Variants in ATRNL1 observed in about 807,000 individuals in gnomAD.
The protein encoded by ATRNL1 is attractin-like protein 1.
Under a neutral mutation model 182.7 loss-of-function variants are expected in ATRNL1, and 95 were observed. That is an observed-to-expected ratio of 0.52 (90% CI 0.44 to 0.62). The LOEUF (loss-of-function observed/expected upper bound fraction) is 0.62. Among genes scored for constraint, ATRNL1 ranks in the 20% least tolerant of loss-of-function variants. The pLI is 0.00. For missense variants in ATRNL1, 1,471 were observed against 1,679.5 expected (o/e 0.88, Z 2.17); for synonymous variants, 576 against 568.3 (o/e 1.01, Z -0.19).
chr10:115,644,212 A>G (rs1859453774), intron 26 of ATRNL1, among the ~76,000 whole-genome samples: 2 of 152,160 alleles, frequency 1.3e-5, no homozygotes. Flanking sequence ...AAATTTCAAA[A>G]ACTAAGATCT....
At chr10:115,839,571 A>T (rs1950756059) in intron 27 of ATRNL1, among the ~76,000 whole-genome samples, 1 of 151,968 alleles carries the variant, frequency 6.6e-6, no homozygotes, top group African/African-American at 2.4e-5. Flanking sequence ...TCTGCCAGAA[A>T]TCCTCCTTCA....
At chr10:115,495,222 TTAG>T (rs1849485796) in intron 24 of ATRNL1, among the ~76,000 whole-genome samples, 1 of 152,170 alleles carries the variant, frequency 6.6e-6, no homozygotes, top group South Asian at 2.1e-4. Context: ...TCTTTTTTCT[TTAG>T]TAGTATAGCT....
chr10:115,888,248 A>G (rs1951998617), intron 28 of ATRNL1, among the ~76,000 whole-genome samples: 1 of 152,120 alleles, frequency 6.6e-6, no homozygotes, highest in African/African-American at 2.4e-5. Context: ...TGACCTCCCT[A>G]ATTAGATTCT....
intron 27 of ATRNL1, among the ~76,000 whole-genome samples, chr10:115,804,012 T>G (rs1240690284): frequency 6.6e-6 from 1 of 152,214 alleles, no homozygotes; most frequent in African/African-American, 2.4e-5. Context: ...TAGTTTTTAC[T>G]ATATTCCAGG....
intron 24 of ATRNL1, among the ~76,000 whole-genome samples, chr10:115,497,489 G>A (rs1378685785): frequency 2.6e-5 from 4 of 152,050 alleles, no homozygotes; most frequent in Admixed American, 1.3e-4. Context: ...ACTCTTTTCT[G>A]TTCTCCATGG....
chr10:115,670,256 A>T (rs1439387059), intron 26 of ATRNL1, among the ~76,000 whole-genome samples: 1 of 152,142 alleles, frequency 6.6e-6, no homozygotes, highest in Non-Finnish European at 1.5e-5. Context: ...TAGTGCTTAA[A>T]AAGTGGCTGT....
chr10:115,802,252 G>A (rs1419726353), intron 27 of ATRNL1, among the ~76,000 whole-genome samples: 1 of 151,972 alleles, frequency 6.6e-6, no homozygotes, highest in Non-Finnish European at 1.5e-5. Context: ...TGATATTCTG[G>A]GAAAGCTACC....
At chr10:115,171,330 G>A in intron 8 of ATRNL1, 38 bp downstream of exon 8, 2 of 1,486,632 alleles carry the variant, frequency 1.3e-6, no homozygotes, top group South Asian at 1.4e-5. Flanking sequence ...TTATTGATTG[G>A]GAATGTTTTT....
intron 18 of ATRNL1, among the ~76,000 whole-genome samples, chr10:115,322,199 A>G (rs1432228435): frequency 2.0e-5 from 3 of 151,956 alleles, no homozygotes; most frequent in Non-Finnish European, 4.4e-5. Flanking sequence ...TATTTTTGCT[A>G]CTACATCTAT....
intron 28 of ATRNL1, among the ~76,000 whole-genome samples, chr10:115,891,233 G>A (rs935395887): frequency 2.0e-5 from 3 of 152,162 alleles, no homozygotes; most frequent in African/African-American, 4.8e-5. Flanking sequence ...AACATTGGGA[G>A]TGAGGACACT....
At chr10:115,349,833 C>A (rs1253140912) in intron 19 of ATRNL1, among the ~76,000 whole-genome samples, 1 of 151,910 alleles carries the variant, frequency 6.6e-6, no homozygotes, top group Non-Finnish European at 1.5e-5. Flanking sequence ...TGTTTGAGCT[C>A]CTTATGTGTT....
chr10:115,725,548 A>T (rs572163849), intron 26 of ATRNL1, among the ~76,000 whole-genome samples: 1 of 152,172 alleles, frequency 6.6e-6, no homozygotes, highest in Non-Finnish European at 1.5e-5. Flanking sequence ...ACAAATACAA[A>T]TGGAGATAAT....
At chr10:115,228,326 CAA>C in intron 9 of ATRNL1, among the ~76,000 whole-genome samples, 1 of 152,252 alleles carries the variant, frequency 6.6e-6, no homozygotes, top group East Asian at 1.9e-4. Flanking sequence ...TCCTGTTGCT[CAA>C]AAATGATTCC....
chr10:115,474,041 T>C (rs1848424322), intron 24 of ATRNL1, among the ~76,000 whole-genome samples: 1 of 151,398 alleles, frequency 6.6e-6, no homozygotes, highest in Non-Finnish European at 1.5e-5. Flanking sequence ...ATTGTTTTTC[T>C]ATTCTGTATT....
chr10:115,565,518 A>G (rs1854023243), intron 26 of ATRNL1, among the ~76,000 whole-genome samples: 1 of 152,004 alleles, frequency 6.6e-6, no homozygotes, highest in Non-Finnish European at 1.5e-5. Context: ...GAGTAATGGT[A>G]CAGACTTACG....
At chr10:115,663,578 A>G (rs1218040553) in intron 26 of ATRNL1, among the ~76,000 whole-genome samples, 1 of 152,020 alleles carries the variant, frequency 6.6e-6, no homozygotes, top group East Asian at 1.9e-4. Flanking sequence ...TCCAAATTGT[A>G]TGATATACAT....
At position 115,165,216 on chromosome 10, in the gene ATRNL1, T is replaced by TA. The variant is rs1483433370; in HGVS notation, c.1005-333dup. On this transcript the variant is annotated intron_variant, in intron 6 of 28. Coordinates refer to ENST00000355044, the MANE Select transcript of ATRNL1 (RefSeq NM_207303.4). Reference sequence around the variant, plus strand: ...CTGTTTCCAAGAAGGAAACCTGGCTTAAAAAAAAATTAAAAAATACAGTCA... The same window carrying TA: ...CTGTTTCCAAGAAGGAAACCTGGCTTAAAAAAAAAATTAAAAAATACAGTCA... 2.0e-5 allele frequency among the ~76,000 whole-genome samples: 3 copies of TA among 151,264 alleles called. No homozygotes were observed. The East Asian group carries it at 5.8e-4, about 29-fold the overall frequency.
At chr10:115,741,480 T>C (rs1758857916) in intron 27 of ATRNL1, among the ~76,000 whole-genome samples, 1 of 152,088 alleles carries the variant, frequency 6.6e-6, no homozygotes, top group South Asian at 2.1e-4. Flanking sequence ...CTGTGAGAGT[T>C]AAGGTAGCAA....
intron 27 of ATRNL1, among the ~76,000 whole-genome samples, chr10:115,774,990 G>A (rs188376364): frequency 6.6e-6 from 1 of 151,990 alleles, no homozygotes; most frequent in African/African-American, 2.4e-5. Flanking sequence ...TAAGACATTA[G>A]CTAAGAAATG....
Sources: allele counts gnomAD v4.1 joint callset (sites outside exome capture counted in the v4.1 genomes callset), GRCh38; gene constraint gnomAD v4.1.1; transcripts MANE v1.5; gene names NCBI Gene and HGNC (gene_info 2026-07-23, HGNC 2026-07-21).